NUP210: variants seen among roughly 807,000 people sequenced by gnomAD.
NUP210 encodes nucleoporin 210.
A neutral mutation model predicts 196.0 loss-of-function variants in NUP210; 151 were observed. The ratio of observed to expected loss-of-function variants is 0.77; its 90% confidence interval spans 0.67 to 0.88. The LOEUF (loss-of-function observed/expected upper bound fraction) is 0.88. Ranked by LOEUF, NUP210 falls within the 40% of genes least tolerant of loss-of-function variation. The probability of loss-of-function intolerance (pLI) is 0.00; values close to 1 mark genes in which losing one functional copy is unlikely to be tolerated. For synonymous variants in NUP210, 1,070 were observed against 1,052.7 expected, an observed-to-expected ratio of 1.02 and a Z score of -0.32; for missense variants, 2,314 against 2,493.7, an observed-to-expected ratio of 0.93 and a Z score of 1.53.
At chr3:13,351,793 G>T in intron 20 of NUP210, 86 bp downstream of exon 20, 2 of 899,032 alleles carry the variant, frequency 2.2e-6, no homozygotes, top group Non-Finnish European at 3.6e-6. Flanking sequence ...TCAAGTGCTA[G>T]CTTTCAAAAT....
intron 3 of NUP210, among the ~76,000 whole-genome samples, chr3:13,396,827 CT>C (rs1163876499): frequency 6.6e-6 from 1 of 151,472 alleles, no homozygotes; most frequent in Non-Finnish European, 1.5e-5. Flanking sequence ...GAGTTCCAGC[CT>C]GGAAACAAGC....
rs1317268331 is a variant in NUP210, at chr3:13,327,338, C to G, written c.4386G>C (p.Glu1462Asp). The change falls in exon 32 of 40, where the codon GAG becomes GAC. Residue 1462 changes from glutamate (E) to aspartate (D), a missense_variant. Coordinates refer to ENST00000254508, the MANE Select transcript of NUP210 (RefSeq NM_024923.4). ...GCATGAAGTCCGAGAGGCCCGGGTG[C>G]TCTGCGTCCCACACACGGAGCAGTG... Reference protein sequence around the residue: ...GLTLLRVWDAEHPGLSDFMPL... With the variant: ...GLTLLRVWDADHPGLSDFMPL... 6.2e-7 allele frequency: 1 copy of G among 1,613,418 alleles called. No homozygotes were observed. The highest frequency in any genetic ancestry group is 8.5e-7 in the Non-Finnish European group (1 of 1,180,026).
At chr3:13,326,033 CTACCCCCATG>C (rs1164296391) in intron 32 of NUP210, 102 bp from the exon 33 acceptor site, 1 of 1,470,672 alleles carries the variant, frequency 6.8e-7, no homozygotes, top group South Asian at 1.2e-5. Context: ...CTGGCTGCCG[CTACCCCCATG>C]GGGGCTCACT....
chr3:13,415,289 G>A (rs994477334), intron 1 of NUP210, among the ~76,000 whole-genome samples: 4 of 152,152 alleles, frequency 2.6e-5, no homozygotes, highest in African/African-American at 7.2e-5. Flanking sequence ...AGCCCTCCTC[G>A]GTGAAATATG....
rs973664341 is a variant in NUP210, at chr3:13,316,706, G to A, written c.*975C>T. ...CTGTCTGGGGCCCTGCGCCTGATGA[G>A]CTGCCATGAAAGTGGCCGCCTCTCA... On this transcript the variant is annotated 3_prime_UTR_variant, in exon 40 of 40. Transcript: ENST00000254508. 1.3e-5 allele frequency: 2 copies of A among 152,302 alleles called. No individual in the cohort carries two copies. Among genetic ancestry groups the A allele is most frequent in the Admixed American group, 1.3e-4 (2 of 15,294 alleles). The allele number at this position is 152,302 out of a possible 1,614,324, so 9.4% of individuals were successfully genotyped here.
chr3:13,326,027 C>G, intron 32 of NUP210, 96 bp from the exon 33 acceptor site: 1 of 1,495,822 alleles, frequency 6.7e-7, no homozygotes. Flanking sequence ...TCCTCGCTGG[C>G]TGCCGCTACC....
chr3:13,327,994 C>T (rs911733665), intron 31 of NUP210, among the ~76,000 whole-genome samples: 62 of 152,304 alleles, frequency 4.1e-4, no homozygotes, highest in African/African-American at 1.5e-3. Context: ...GTGTGGACTG[C>T]GTGGGGTGAC....
chr3:13,395,872 G>A (rs1445578376), intron 3 of NUP210, among the ~76,000 whole-genome samples: 1 of 152,162 alleles, frequency 6.6e-6, no homozygotes, highest in East Asian at 1.9e-4. Context: ...TAGCAACACT[G>A]GTGCCTGGAC....
chr3:13,324,959 C>G (rs114293718), intron 33 of NUP210, among the ~76,000 whole-genome samples: 1 of 152,192 alleles, frequency 6.6e-6, no homozygotes, highest in Non-Finnish European at 1.5e-5. Flanking sequence ...CGGGACATAG[C>G]GAGACTCAAT....
intron 33 of NUP210, among the ~76,000 whole-genome samples, chr3:13,325,015 T>C (rs931355524): frequency 6.6e-6 from 1 of 152,236 alleles, no homozygotes; most frequent in Non-Finnish European, 1.5e-5. Flanking sequence ...GGATTTGACC[T>C]AGACCGTCTA....
intron 1 of NUP210, among the ~76,000 whole-genome samples, chr3:13,413,170 CAGA>C (rs1221438568): frequency 3.1e-4 from 47 of 151,592 alleles, no homozygotes; most frequent in Admixed American, 2.7e-3. Context: ...GAGGATGAGG[CAGA>C]AGAATTGCTT....
intron 8 of NUP210, among the ~76,000 whole-genome samples, chr3:13,378,401 A>G (rs1333266962): frequency 1.3e-5 from 2 of 152,230 alleles, no homozygotes; most frequent in African/African-American, 4.8e-5. Flanking sequence ...TGCCCAGTGT[A>G]CTTTTTCACT....
intron 36 of NUP210, 21 bp from the exon 37 acceptor site, chr3:13,320,000 G>T (rs1419251132): frequency 3.1e-6 from 5 of 1,609,236 alleles, no homozygotes; most frequent in Non-Finnish European, 4.2e-6. Context: ...CATCAGAGCT[G>T]GGGGTGCACA....
intron 36 of NUP210, 101 bp from the exon 37 acceptor site, chr3:13,320,080 C>T: frequency 9.4e-7 from 1 of 1,064,884 alleles, no homozygotes; most frequent in East Asian, 2.5e-5. Context: ...TCTGCATGGC[C>T]ATCTCTGGAA....
In NUP210 at chr3:13,330,549, C is replaced by A; in HGVS notation, c.4021G>T (p.Ala1341Ser). ...GATGTCCCGATCATAGACCCTGATGCTAGAAAGCCTTTCTCATCAACATGC... is the reference window on the plus strand; with the variant it reads ...GATGTCCCGATCATAGACCCTGATGATAGAAAGCCTTTCTCATCAACATGC... ...VVHVDEKGFL[A>S]SGSMIGTSTI... Residue 1341 changes from alanine to serine, a missense_variant, in exon 30 of 40, where the codon GCA (alanine) becomes TCA (serine). Coordinates refer to ENST00000254508, the MANE Select transcript of NUP210 (RefSeq NM_024923.4). 3 of 1,614,240 alleles carry A rather than the reference C, an allele frequency of 1.9e-6. No individual in the cohort carries two copies. The highest frequency in any genetic ancestry group is 2.5e-6 in the Non-Finnish European group (3 of 1,180,034).
At chr3:13,325,345 A>G (rs1696704971) in intron 33 of NUP210, among the ~76,000 whole-genome samples, 1 of 152,244 alleles carries the variant, frequency 6.6e-6, no homozygotes, top group Admixed American at 6.5e-5. Flanking sequence ...TCTAAAAATG[A>G]GATGCATTTG....
intron 20 of NUP210, among the ~76,000 whole-genome samples, chr3:13,344,252 T>C (rs547410022): frequency 6.6e-6 from 1 of 152,362 alleles, no homozygotes; most frequent in East Asian, 1.9e-4. Context: ...CCTTTCATGC[T>C]GCAGAAGATG....
Position 13,351,901 on chromosome 3 carries a change from T to A in NUP210, c.2813A>T (p.Gln938Leu). 1 of 1,613,066 alleles carries A rather than the reference T, an allele frequency of 6.2e-7. No homozygotes were observed. Among genetic ancestry groups the A allele is most frequent in the Non-Finnish European group, 8.5e-7 (1 of 1,179,066 alleles). The stretch of plus-strand genomic sequence containing the variant: ...TACCATGGCGACACCCCTGGCCTCC[T>A]GGTAGGCCACCTTGACAACATCTGC... ...STADVVKVAY[Q>L]EARGVAMVHP... The change falls in exon 20 of 40, where the codon CAG (glutamine) becomes CTG (leucine). Residue 938 changes from glutamine to leucine, a missense_variant. Coordinates refer to ENST00000254508, the MANE Select transcript of NUP210 (RefSeq NM_024923.4).
chr3:13,318,641 G>A (rs371012596), intron 39 of NUP210, among the ~76,000 whole-genome samples: 3 of 152,168 alleles, frequency 2.0e-5, no homozygotes, highest in African/African-American at 7.2e-5. Flanking sequence ...CCAGGGCTTC[G>A]GGGTCACCAG....
Sources: gnomAD v4.1 joint callset for allele counts (sites outside exome capture counted in the v4.1 genomes callset) on GRCh38, gnomAD v4.1.1 for gene constraint, MANE v1.5 for transcripts, NCBI Gene and HGNC (gene_info 2026-07-23, HGNC 2026-07-21) for gene names.